The following NEGR1 variants were observed in gnomAD, a reference collection of about 807,000 sequenced individuals.
NEGR1 encodes the protein IgLON family member 4.
In NEGR1, 10 loss-of-function variants were observed where a neutral mutation model predicts 40.9. The observed-to-expected ratio is 0.24, with a 90% CI of 0.15 to 0.42. The LOEUF is 0.42. Among genes scored for constraint, NEGR1 ranks in the 10% least tolerant of loss-of-function variants. The pLI, the probability that NEGR1 is intolerant of heterozygous loss-of-function variation, is 1.00. For synonymous variants in NEGR1, 185 were observed against 166.8 expected, an observed-to-expected ratio of 1.11 and a Z score of -0.84; for missense variants, 352 against 438.9, an observed-to-expected ratio of 0.80 and a Z score of 1.77.
At chr1:72,174,677 T>C (rs1434929328) in intron 1 of NEGR1, among the ~76,000 whole-genome samples, 1 of 152,110 alleles carries the variant, frequency 6.6e-6, no homozygotes, top group East Asian at 1.9e-4. Flanking sequence ...AGATCCCACA[T>C]TACTCTTTCC....
chr1:72,089,397 T>A (rs1304338327), intron 1 of NEGR1, among the ~76,000 whole-genome samples: 1 of 152,184 alleles, frequency 6.6e-6, no homozygotes, highest in African/African-American at 2.4e-5. Context: ...GATAAACATA[T>A]AATAATTTTT....
intron 1 of NEGR1, among the ~76,000 whole-genome samples, chr1:72,044,574 A>G (rs1646984839): frequency 6.6e-6 from 1 of 151,754 alleles, no homozygotes; most frequent in African/African-American, 2.4e-5. Context: ...GCACAATTAG[A>G]TTGGACTGAA....
chr1:72,028,966 T>TAAA (rs1646834818), intron 1 of NEGR1, among the ~76,000 whole-genome samples: 2 of 152,176 alleles, frequency 1.3e-5, no homozygotes, highest in African/African-American at 4.8e-5. Flanking sequence ...ATTGAGCACT[T>TAAA]GTAAAAATGA....
chr1:71,491,929 C>G (rs992297152), intron 6 of NEGR1, among the ~76,000 whole-genome samples: 1 of 152,094 alleles, frequency 6.6e-6, no homozygotes, highest in South Asian at 2.1e-4. Context: ...AAGGTAGAAC[C>G]TTTAGGAGGT....
At chr1:72,194,440 G>T (rs1168596937) in intron 1 of NEGR1, among the ~76,000 whole-genome samples, 1 of 151,988 alleles carries the variant, frequency 6.6e-6, no homozygotes, top group African/African-American at 2.4e-5. Context: ...CTGTTAGAGT[G>T]AAAGTCCACA....
At chr1:72,144,110 T>A (rs1397204806) in intron 1 of NEGR1, among the ~76,000 whole-genome samples, 1 of 150,860 alleles carries the variant, frequency 6.6e-6, no homozygotes, top group Admixed American at 6.7e-5. Flanking sequence ...ACTGCTTAAT[T>A]GAATAAGATT....
intron 1 of NEGR1, among the ~76,000 whole-genome samples, chr1:71,986,041 T>A (rs911414709): frequency 6.6e-6 from 1 of 152,318 alleles, no homozygotes; most frequent in South Asian, 2.1e-4. Context: ...GGAAGGAATA[T>A]CTTGAGTATA....
chr1:72,253,012 C>T (rs1157487941), intron 1 of NEGR1, among the ~76,000 whole-genome samples: 1 of 152,108 alleles, frequency 6.6e-6, no homozygotes, highest in African/African-American at 2.4e-5. Flanking sequence ...TCTTTTGCCT[C>T]AAGAAATAGT....
intron 3 of NEGR1, among the ~76,000 whole-genome samples, chr1:71,734,560 C>G (rs1654988360): frequency 6.6e-6 from 1 of 152,062 alleles, no homozygotes. Flanking sequence ...TGGCTTATCC[C>G]TTTTTGTTTA....
chr1:72,252,959 G>T (rs1222016816), intron 1 of NEGR1, among the ~76,000 whole-genome samples: 1 of 152,154 alleles, frequency 6.6e-6, no homozygotes, highest in African/African-American at 2.4e-5. Flanking sequence ...ATATAAATTT[G>T]CAGGTTGTTT....
chr1:71,829,700 CAA>C (rs2101788447), intron 2 of NEGR1, among the ~76,000 whole-genome samples: 1 of 151,920 alleles, frequency 6.6e-6, no homozygotes, highest in African/African-American at 2.4e-5. Context: ...GAAACAGAAA[CAA>C]AATATAATAC....
At chr1:72,244,372 T>C (rs999836092) in intron 1 of NEGR1, among the ~76,000 whole-genome samples, 2 of 151,940 alleles carry the variant, frequency 1.3e-5, no homozygotes, top group Non-Finnish European at 2.9e-5. Context: ...TCAGGATATT[T>C]CTACCCAACA....
At chr1:71,571,920 C>A (rs937357516) in intron 6 of NEGR1, among the ~76,000 whole-genome samples, 14 of 152,044 alleles carry the variant, frequency 9.2e-5, no homozygotes, top group African/African-American at 3.1e-4. Context: ...TGCCTTGCCT[C>A]CTTTTTAAGC....
At chr1:72,151,142 G>A (rs759383020) in intron 1 of NEGR1, among the ~76,000 whole-genome samples, 4 of 151,818 alleles carry the variant, frequency 2.6e-5, no homozygotes, top group Non-Finnish European at 4.4e-5. Flanking sequence ...AACAAGAAAC[G>A]AAATGAAGAA....
chr1:71,979,924 G>A (rs918113341), intron 1 of NEGR1, among the ~76,000 whole-genome samples: 7 of 152,162 alleles, frequency 4.6e-5, no homozygotes, highest in South Asian at 2.1e-4. Context: ...AATGTCAAGG[G>A]TGCCTGCCCA....
chr1:72,213,028 G>A (rs1043338456), intron 1 of NEGR1, among the ~76,000 whole-genome samples: 1 of 151,706 alleles, frequency 6.6e-6, no homozygotes, highest in Non-Finnish European at 1.5e-5. Flanking sequence ...AGTGGAGGGA[G>A]GGTATTTGAC....
At chr1:72,077,832 G>GATGAAA in intron 1 of NEGR1, among the ~76,000 whole-genome samples, 1 of 151,660 alleles carries the variant, frequency 6.6e-6, no homozygotes, top group South Asian at 2.1e-4. Flanking sequence ...AGAAAAAGGG[G>GATGAAA]ATGAAAATTT....
At chr1:71,985,206 T>C (rs1445129465) in intron 1 of NEGR1, among the ~76,000 whole-genome samples, 1 of 152,150 alleles carries the variant, frequency 6.6e-6, no homozygotes, top group African/African-American at 2.4e-5. Flanking sequence ...AAAATCATAA[T>C]CATAAATAAA....
intron 3 of NEGR1, among the ~76,000 whole-genome samples, chr1:71,774,073 T>C (rs1466915126): frequency 2.0e-5 from 3 of 152,252 alleles, no homozygotes; most frequent in East Asian, 1.9e-4. Context: ...GCTTTACATT[T>C]ACATATTAAG....
Sources: gnomAD v4.1 joint callset for allele counts (sites outside exome capture counted in the v4.1 genomes callset) on GRCh38, gnomAD v4.1.1 for gene constraint, MANE v1.5 for transcripts, NCBI Gene and HGNC (gene_info 2026-07-23, HGNC 2026-07-21) for gene names.